Variants in GPR155 observed in about 807,000 individuals in gnomAD.
GPR155 encodes G protein-coupled receptor 155, also known as lysosomal cholesterol signaling protein.
GPR155 carries 65 observed loss-of-function variants against 93.1 expected under a neutral mutation model. The observed-to-expected ratio is 0.70, with a 90% CI of 0.57 to 0.86. The LOEUF is 0.86. Among genes scored for constraint, GPR155 ranks in the 40% least tolerant of loss-of-function variants. The pLI is 0.00. For missense variants in GPR155, 838 were observed against 1,034.8 expected (o/e 0.81, Z 2.61); for synonymous variants, 319 against 360.1 (o/e 0.89, Z 1.29).
At chr2:174,446,829 A>T in intron 11 of GPR155, 82 bp from the exon 12 acceptor site, 1 of 1,273,204 alleles carries the variant, frequency 7.9e-7, no homozygotes, top group Admixed American at 1.9e-5. Flanking sequence ...TTCCTAAGAG[A>T]AACAACAGAA....
chr2:174,481,659 A>T lies in GPR155; in HGVS notation c.298T>A (p.Trp100Arg). Residue 100 changes from tryptophan (W) to arginine (R), a missense_variant, in exon 2 of 16, where the codon TGG becomes AGG. Coordinates refer to ENST00000392552, the MANE Select transcript of GPR155 (RefSeq NM_152529.7). The stretch of plus-strand genomic sequence containing the variant: ...ATTAAGATACTATATAGGAAGGACC[A>T]GTCCACATTGGAAAAATTAAGTACA... ...MVVLNFSNVD[W>R]SFLYSILIAK... 1 of 1,614,088 alleles carries T rather than the reference A, an allele frequency of 6.2e-7. No individual in the cohort carries two copies. The highest frequency in any genetic ancestry group is 8.5e-7 in the Non-Finnish European group (1 of 1,179,914).
chr2:174,469,612 GTTA>G (rs1687935594), intron 4 of GPR155, among the ~76,000 whole-genome samples: 1 of 152,248 alleles, frequency 6.6e-6, no homozygotes, highest in African/African-American at 2.4e-5. Context: ...ATCTGCTGCA[GTTA>G]TTATGCAGTA....
intron 11 of GPR155, among the ~76,000 whole-genome samples, chr2:174,447,354 A>T (rs1025977786): frequency 1.4e-5 from 2 of 146,884 alleles, no homozygotes; most frequent in Admixed American, 6.9e-5. Context: ...ATTATATATA[A>T]TTTTTATATA....
At position 174,439,938 on chromosome 2, in the gene GPR155, G is replaced by C; in HGVS notation, c.2272C>G (p.His758Asp). ...KMTCQQFIHY[H>D]RDLCIRNIVK... Reference sequence around the variant, plus strand: ...ATGTTTCGGATACAGAGGTCACGGTGATAATGGATAAATTGTTGACAGGTC... The same window carrying C: ...ATGTTTCGGATACAGAGGTCACGGTCATAATGGATAAATTGTTGACAGGTC... The change falls in exon 15 of 16, where the codon CAC (histidine) becomes GAC (aspartate). Residue 758 changes from histidine (H) to aspartate (D), a missense_variant. By Grantham distance (81) the His-to-Asp change is moderately conservative. Around this residue, in one of 3 missense-constraint regions of GPR155, gnomAD observed 146 missense variants for 177.5 expected, o/e 0.82. Transcript: ENST00000392552. 1 of 1,613,060 alleles carries C rather than the reference G, an allele frequency of 6.2e-7. No individual in the cohort carries two copies. The highest frequency in any genetic ancestry group is 8.5e-7 in the Non-Finnish European group (1 of 1,179,230).
At chr2:174,448,472 C>T (rs1166414057) in intron 11 of GPR155, among the ~76,000 whole-genome samples, 2 of 151,736 alleles carry the variant, frequency 1.3e-5, no homozygotes, top group African/African-American at 2.4e-5. Flanking sequence ...TGACTCAGTC[C>T]TCAAAAGCAA....
At chr2:174,483,986 C>T (rs1224756309) in intron 1 of GPR155, among the ~76,000 whole-genome samples, 2 of 152,168 alleles carry the variant, frequency 1.3e-5, no homozygotes, top group Non-Finnish European at 2.9e-5. Flanking sequence ...ATTTACAATG[C>T]TCAGGTTAAG....
At chr2:174,486,394 C>A (rs1270978289) in intron 1 of GPR155, among the ~76,000 whole-genome samples, 4 of 152,058 alleles carry the variant, frequency 2.6e-5, no homozygotes, top group African/African-American at 9.7e-5. Context: ...CTTTGCCTGG[C>A]GTAAGAAAAA....
chr2:174,437,915 A>G (rs1475612053), intron 15 of GPR155, among the ~76,000 whole-genome samples: 1 of 151,784 alleles, frequency 6.6e-6, no homozygotes, highest in Non-Finnish European at 1.5e-5. Context: ...CCAGACACCA[A>G]CAGAGTATTT....
intron 13 of GPR155, among the ~76,000 whole-genome samples, chr2:174,442,462 A>G (rs1351754659): frequency 2.0e-5 from 3 of 152,226 alleles, no homozygotes; most frequent in Non-Finnish European, 2.9e-5. Context: ...TTAAGGGCAT[A>G]TATGTCTTTG....
At chr2:174,447,241 G>A (rs1280998573) in intron 11 of GPR155, among the ~76,000 whole-genome samples, 1 of 151,090 alleles carries the variant, frequency 6.6e-6, no homozygotes, top group Non-Finnish European at 1.5e-5. Context: ...GAAGGCTGAG[G>A]CAGGAGAATC....
At chr2:174,443,488 G>C (rs1342548334) in intron 13 of GPR155, among the ~76,000 whole-genome samples, 1 of 152,164 alleles carries the variant, frequency 6.6e-6, no homozygotes, top group African/African-American at 2.4e-5. Flanking sequence ...CAGCACTTTG[G>C]GAGGCCAAGG....
Position 174,439,744 on chromosome 2 carries a change from AACTC to A in GPR155, c.2312+150_2312+153del, listed in dbSNP as rs147810075. 8.5e-5 allele frequency among the ~76,000 whole-genome samples: 13 copies of A among 152,328 alleles called. No individual in the cohort carries two copies. The East Asian group carries it at 1.9e-3, about 23-fold the overall frequency. ...TTTATATGCCATTTCTGAAACTATA[AACTC>A]ACTCATAATTCCTGTAACTTTTACA... is the stretch of plus-strand genomic sequence containing the variant. On this transcript the variant is annotated intron_variant, in intron 15 of 15. Coordinates refer to ENST00000392552, the MANE Select transcript of GPR155 (RefSeq NM_152529.7).
At chr2:174,475,289 C>A (rs1486680624) in intron 2 of GPR155, among the ~76,000 whole-genome samples, 1 of 67,284 alleles carries the variant, frequency 1.5e-5, no homozygotes, top group Non-Finnish European at 2.6e-5. Context: ...AGCGAGACTC[C>A]GTCTCAAAAA....
chr2:174,468,839 T>C (rs1687911610), intron 5 of GPR155, 73 bp downstream of exon 5: 9 of 1,228,802 alleles, frequency 7.3e-6, no homozygotes, highest in Non-Finnish European at 1.0e-5. Flanking sequence ...GATTTTTAAA[T>C]CCCTTCTGTT....
At chr2:174,465,984 A>C in intron 6 of GPR155, 82 bp from the exon 7 acceptor site, 1 of 651,828 alleles carries the variant, frequency 1.5e-6, no homozygotes, top group Admixed American at 2.4e-5. Context: ...ATTCCAATTA[A>C]GCCAGCCATA....
chr2:174,439,167 A>G (rs1262043100), intron 15 of GPR155, among the ~76,000 whole-genome samples: 2 of 152,066 alleles, frequency 1.3e-5, no homozygotes, highest in East Asian at 3.8e-4. Context: ...TAATATATGT[A>G]AATAAATTAT....
In GPR155 at chr2:174,434,794, T is replaced by A. The variant is rs1221338341; in HGVS notation, c.*1322A>T. The stretch of plus-strand genomic sequence containing the variant: ...GTATTCTTTTTTCTTTTTCTTTTTC[T>A]TTTTTTTTTTTTTTAGTACAGACCG... On this transcript the variant is annotated 3_prime_UTR_variant, in exon 16 of 16. Coordinates refer to ENST00000392552, the MANE Select transcript of GPR155 (RefSeq NM_152529.7). 1 of 11,964 alleles carries A rather than the reference T, an allele frequency of 8.4e-5. No individual in the cohort carries two copies. The highest frequency in any genetic ancestry group is 3.0e-4 in the Non-Finnish European group (1 of 3,286). 0.7% of individuals were successfully genotyped at this position (11,964 alleles called of 1,614,324 possible).
At chr2:174,438,226 ACT>A (rs978203958) in intron 15 of GPR155, among the ~76,000 whole-genome samples, 6 of 151,732 alleles carry the variant, frequency 4.0e-5, no homozygotes, top group Admixed American at 6.6e-5. Flanking sequence ...TGGGAGTAAG[ACT>A]CTGTCTCAAA....
chr2:174,478,862 C>T (rs1024692903), intron 2 of GPR155, among the ~76,000 whole-genome samples: 4 of 151,608 alleles, frequency 2.6e-5, no homozygotes, highest in Admixed American at 1.3e-4. Context: ...CTCTGTTCAC[C>T]GAGAACAAGG....
Sources: gnomAD v4.1 joint callset for allele counts (sites outside exome capture counted in the v4.1 genomes callset) on GRCh38, gnomAD v4.1.1 for gene constraint, gnomAD v4.1.1 regional missense constraint, MANE v1.5 for transcripts, NCBI Gene and HGNC (gene_info 2026-07-23, HGNC 2026-07-21) for gene names.